The following HPD variants were observed in gnomAD, a reference collection of about 807,000 sequenced individuals.
HPD encodes 4-hydroxyphenylpyruvate dioxygenase.
Under a neutral mutation model 56.9 loss-of-function variants are expected in HPD, and 35 were observed. That is an observed-to-expected ratio of 0.62 (90% CI 0.47 to 0.82). The LOEUF (loss-of-function observed/expected upper bound fraction) is 0.82, where lower values mean the gene tolerates loss of function less well. HPD is among the 40% of genes least tolerant of loss of function. The pLI, the probability that HPD is intolerant of heterozygous loss-of-function variation, is 0.00. For synonymous variants in HPD, 186 were observed against 200.2 expected (o/e 0.93, Z 0.60); for missense variants, 442 against 506.8 (o/e 0.87, Z 1.23).
the HPD span, among the ~76,000 whole-genome samples, chr12:121,884,190 A>G: frequency 9.3e-5 from 8 of 85,826 alleles, no homozygotes; most frequent in Non-Finnish European, 1.6e-4. Flanking sequence ...TTTTTTTTTG[A>G]GACGGAGTTT....
upstream of HPD, among the ~76,000 whole-genome samples, chr12:121,866,870 A>T (rs980872260): frequency 6.6e-6 from 1 of 152,090 alleles, no homozygotes; most frequent in Non-Finnish European, 1.5e-5. Context: ...GGACAATTCC[A>T]TTACCCCAAA....
chr12:121,887,980 T>G, the HPD span, among the ~76,000 whole-genome samples: 2 of 152,162 alleles, frequency 1.3e-5, no homozygotes, highest in Non-Finnish European at 2.9e-5. Flanking sequence ...GGGTTGGAAT[T>G]TTGGCCTCAC....
At chr12:121,842,350 T>TA in intron 12 of HPD, among the ~76,000 whole-genome samples, 1 of 152,014 alleles carries the variant, frequency 6.6e-6, no homozygotes, top group Non-Finnish European at 1.5e-5. Context: ...AGGCTGGTCT[T>TA]AAACTCCTGG....
chr12:121,864,554 T>TAA (rs11412457), upstream of HPD, among the ~76,000 whole-genome samples: 22,039 of 130,778 alleles, frequency 0.17, 1,976 homozygotes, highest in Admixed American at 0.23. Context: ...CCCTGACTAT[T>TAA]AAAAAAAAAA....
chr12:121,886,410 GTT>G, the HPD span, among the ~76,000 whole-genome samples: 67 of 110,284 alleles, frequency 6.1e-4, no homozygotes, highest in Middle Eastern at 4.9e-3. Flanking sequence ...GCCTGGCCTA[GTT>G]TTTTTTTTTT....
intron 7 of HPD, among the ~76,000 whole-genome samples, chr12:121,850,827 T>C (rs1877746207): frequency 6.7e-6 from 1 of 149,820 alleles, no homozygotes; most frequent in Non-Finnish European, 1.5e-5. Flanking sequence ...GCCTCCCAAA[T>C]AGCTGGGACT....
In HPD at chr12:121,839,915, C is replaced by T. The variant is rs1476280814; in HGVS notation, c.1071+17G>A. The T allele has an allele frequency of 6.2e-7, 1 of 1,605,572 alleles. No individual in the cohort carries two copies. The highest frequency in any genetic ancestry group is 8.5e-7 in the Non-Finnish European group (1 of 1,172,206). ...CTAGCTGCCTGTCCCCTCGGGCCTGCCGGGGACAAGCAGTACCTGGTGGTT... is the reference window on the plus strand; with the variant it reads ...CTAGCTGCCTGTCCCCTCGGGCCTGTCGGGGACAAGCAGTACCTGGTGGTT... On this transcript the variant is annotated intron_variant, in intron 13 of 13. Coordinates refer to ENST00000289004, the MANE Select transcript of HPD (RefSeq NM_002150.3).
chr12:121,845,155 C>T (rs904792137), intron 11 of HPD, among the ~76,000 whole-genome samples: 2 of 149,142 alleles, frequency 1.3e-5, no homozygotes, highest in Non-Finnish European at 2.9e-5. Context: ...GTTCTGTCAC[C>T]CAGGCTGCAG....
the HPD span, among the ~76,000 whole-genome samples, chr12:121,885,869 G>C: frequency 6.6e-6 from 1 of 151,630 alleles, no homozygotes; most frequent in East Asian, 2.0e-4. Context: ...GGAGGCAGGG[G>C]AATTGCTTGA....
intron 6 of HPD, among the ~76,000 whole-genome samples, chr12:121,855,731 A>C (rs1485055778): frequency 4.2e-5 from 6 of 141,954 alleles, no homozygotes; most frequent in Non-Finnish European, 7.6e-5. Flanking sequence ...ACACACACAA[A>C]AGAAAGAAAA....
At chr12:121,861,382 T>C (rs1878169186), upstream of HPD, among the ~76,000 whole-genome samples, 1 of 148,162 alleles carries the variant, frequency 6.7e-6, no homozygotes, top group African/African-American at 2.5e-5. Context: ...GTGCCTGTAA[T>C]CCCACCCAGC....
rs187150010 is a variant in HPD, at chr12:121,850,497, G to A, written c.415-707C>T. Among the ~76,000 whole-genome samples the A allele has an allele frequency of 1.9e-3, 279 of 145,662 alleles. 1 individual carries two copies. Among genetic ancestry groups the A allele is most frequent in the African/African-American group, 6.3e-3 (249 of 39,482 alleles). On this transcript the variant is annotated intron_variant, in intron 7 of 13. Coordinates refer to ENST00000289004, the MANE Select transcript of HPD (RefSeq NM_002150.3). ...CTTTTTTTTTTTTTTTTTTTAAGGC[G>A]GAGTCTCACTCTGTCACTCAGGCTG...
At chr12:121,853,479 G>A (rs11043213) in intron 7 of HPD, among the ~76,000 whole-genome samples, 52,352 of 151,182 alleles carry the variant, frequency 0.35, 9,362 homozygotes, top group Middle Eastern at 0.42. Context: ...AAATTTAGCC[G>A]GGCGTGGTGG....
At chr12:121,873,560 T>C in the HPD span, among the ~76,000 whole-genome samples, 5 of 152,214 alleles carry the variant, frequency 3.3e-5, no homozygotes, top group Non-Finnish European at 7.3e-5. Context: ...GGCTCACGCC[T>C]GTAATCCCAG....
chr12:121,877,562 A>G, the HPD span, among the ~76,000 whole-genome samples: 19 of 152,036 alleles, frequency 1.2e-4, no homozygotes. Flanking sequence ...TAAGACCCCC[A>G]TCTCTACTAA....
At chr12:121,845,362 C>T (rs962741536) in intron 11 of HPD, among the ~76,000 whole-genome samples, 1 of 149,202 alleles carries the variant, frequency 6.7e-6, no homozygotes, top group Non-Finnish European at 1.5e-5. Flanking sequence ...TTTGGGAGGC[C>T]AAGGTGGGCA....
chr12:121,839,816 T>C lies in HPD; in HGVS notation c.1094A>G (p.Asn365Ser). 6.2e-7 allele frequency: 1 copy of C among 1,614,090 alleles called. No homozygotes were observed. Among genetic ancestry groups the C allele is most frequent in the Non-Finnish European group, 8.5e-7 (1 of 1,180,000 alleles). Reference sequence around the variant, plus strand: ...CTCCTCGAAAGCCTTGAACAGTGAGTTGAAGTTGCCGGCTCCAAAACCCTG... The same window carrying C: ...CTCCTCGAAAGCCTTGAACAGTGAGCTGAAGTTGCCGGCTCCAAAACCCTG... ...NHQGFGAGNF[N>S]SLFKAFEEEQ... Residue 365 changes from asparagine to serine, a missense_variant, in exon 14 of 14, where the codon AAC (asparagine) becomes AGC (serine). Transcript: ENST00000289004.
At position 121,856,572 on chromosome 12, in the gene HPD, G is replaced by T; in HGVS notation, c.241+11C>A. 6.2e-7 allele frequency: 1 copy of T among 1,613,782 alleles called. No homozygotes were observed. The highest frequency in any genetic ancestry group is 8.5e-7 in the Non-Finnish European group (1 of 1,179,772). The stretch of plus-strand genomic sequence containing the variant: ...ACAGAGCCATGCGTCCACCCTCCCC[G>T]GGCACCTCACCTTTGTTCCAGGGGT... On this transcript the variant is annotated intron_variant, in intron 5 of 13. Transcript: ENST00000289004.
At position 121,839,550 on chromosome 12, in the gene HPD, G is replaced by C. The variant is rs145364058; in HGVS notation, c.*178C>G. The C allele has an allele frequency of 8.6e-4, 542 of 633,548 alleles. 2 individuals are homozygous for C. In the African/African-American group the frequency reaches 8.6e-3, roughly 10 times the overall value. 39.2% of individuals were successfully genotyped at this position (633,548 alleles called of 1,614,324 possible). ...TATTGGACCGGGGCACGCTTTAATC[G>C]GGAGGGCTGGAGCAGAGGGCGGCCC... On this transcript the variant is annotated 3_prime_UTR_variant, in exon 14 of 14. Transcript: ENST00000289004.
Sources: allele counts gnomAD v4.1 joint callset (sites outside exome capture counted in the v4.1 genomes callset), GRCh38; gene constraint gnomAD v4.1.1; transcripts MANE v1.5; gene names NCBI Gene and HGNC (gene_info 2026-07-23, HGNC 2026-07-21).